The following NEMP1 variants were observed in gnomAD, a reference collection of about 807,000 sequenced individuals.
NEMP1 encodes transmembrane protein 194.
A neutral mutation model predicts 53.7 loss-of-function variants in NEMP1; 29 were observed. The ratio of observed to expected loss-of-function variants is 0.54; its 90% confidence interval spans 0.40 to 0.74. The LOEUF is 0.74. Ranked by LOEUF, NEMP1 falls within the 30% of genes least tolerant of loss-of-function variation. NEMP1 has a pLI of 0.00. For missense variants in NEMP1, 477 were observed against 528.6 expected (o/e 0.90, Z 0.96); for synonymous variants, 193 against 192.9 (o/e 1.00, Z 0.00).
rs2031626554 is a variant in NEMP1, at chr12:57,058,281, G to A, written c.*1598C>T. 1 of 152,200 alleles carries A rather than the reference G, an allele frequency of 6.6e-6. No individual in the cohort carries two copies. Among genetic ancestry groups the A allele is most frequent in the Non-Finnish European group, 1.5e-5 (1 of 68,042 alleles). 9.4% of individuals were successfully genotyped at this position (152,200 alleles called of 1,614,324 possible). ...CTTTGGAAGTCTGCAATGGAGCTAGGCCTTTCAAAATTACCACGCTAAATG... is the reference window on the plus strand; with the variant it reads ...CTTTGGAAGTCTGCAATGGAGCTAGACCTTTCAAAATTACCACGCTAAATG... On this transcript the variant is annotated 3_prime_UTR_variant, in exon 9 of 9. Coordinates refer to ENST00000300128, the MANE Select transcript of NEMP1 (RefSeq NM_001130963.2).
At chr12:57,069,671 TCAG>T (rs1475633239) in intron 3 of NEMP1, among the ~76,000 whole-genome samples, 1 of 151,964 alleles carries the variant, frequency 6.6e-6, no homozygotes, top group Non-Finnish European at 1.5e-5. Context: ...GTCATGGAAC[TCAG>T]CAGATTTGCC....
At chr12:57,081,751 A>C (rs189702466), upstream of NEMP1, among the ~76,000 whole-genome samples, 1,434 of 134,552 alleles carry the variant, frequency 0.011, 79 homozygotes, top group Admixed American at 0.094. Flanking sequence ...ACTAAAAATA[A>C]AAAAAATTAG....
chr12:57,077,276 G>A (rs2032674973), intron 1 of NEMP1, among the ~76,000 whole-genome samples: 1 of 149,340 alleles, frequency 6.7e-6, no homozygotes, highest in Non-Finnish European at 1.5e-5. Context: ...AGCTTGCAGT[G>A]AGCCGAGATC....
At chr12:57,087,566 C>T (rs1179422536) in intron 1 of NEMP1, among the ~76,000 whole-genome samples, 1 of 152,156 alleles carries the variant, frequency 6.6e-6, no homozygotes, top group Non-Finnish European at 1.5e-5. Context: ...TGCTCGTTCC[C>T]ACCACCCCCA....
intron 4 of NEMP1, among the ~76,000 whole-genome samples, chr12:57,066,274 C>CA (rs2032072551): frequency 1.3e-5 from 2 of 152,054 alleles, no homozygotes; most frequent in South Asian, 4.1e-4. Context: ...AACAAACAAA[C>CA]AAAAAAAGAG....
At chr12:57,080,045 G>A (rs923493535), upstream of NEMP1, among the ~76,000 whole-genome samples, 5 of 152,086 alleles carry the variant, frequency 3.3e-5, no homozygotes, top group South Asian at 2.1e-4. Context: ...CTGCAGCCTC[G>A]AACTCCCAGG....
In NEMP1 at chr12:57,058,938, G is replaced by A. The variant is rs887929895; in HGVS notation, c.*941C>T. The A allele has an allele frequency of 6.6e-6, 1 of 152,152 alleles. No homozygotes were observed. The highest frequency in any genetic ancestry group is 2.4e-5 in the African/African-American group (1 of 41,426). The allele number at this position is 152,152 out of a possible 1,614,324, so 9.4% of individuals were successfully genotyped here. Reference sequence around the variant, plus strand: ...CAGGAAAATGGAGAACGTATAAAAAGCATCCAAATCCCCTAAACAAGATGA... The same window carrying A: ...CAGGAAAATGGAGAACGTATAAAAAACATCCAAATCCCCTAAACAAGATGA... On this transcript the variant is annotated 3_prime_UTR_variant, in exon 9 of 9. Transcript: ENST00000300128.
rs891263392 is a variant in NEMP1 at position 57,057,074 on chromosome 12, T to C, written c.*2805A>G. ...GTTCTGTTGGTCTCTTGAAGCAATC[T>C]GAGTGGGAAAGGAAAGTGAAAGAAA... On this transcript the variant is annotated 3_prime_UTR_variant, in exon 9 of 9. Transcript: ENST00000300128. 6.6e-6 allele frequency: 1 copy of C among 152,248 alleles called. No individual in the cohort carries two copies. Among genetic ancestry groups the C allele is most frequent in the Non-Finnish European group, 1.5e-5 (1 of 68,052 alleles). 9.4% of individuals were successfully genotyped at this position (152,248 alleles called of 1,614,324 possible). A position where few individuals can be genotyped will look rare whatever the true frequency, so the allele number is the denominator to read the frequency against.
At chr12:57,080,014 C>G (rs546699356), upstream of NEMP1, among the ~76,000 whole-genome samples, 2 of 152,322 alleles carry the variant, frequency 1.3e-5, no homozygotes, top group East Asian at 1.9e-4. Context: ...TTCTGGAATG[C>G]AGTGGTGTAA....
chr12:57,087,220 A>C (rs1271268599), intron 1 of NEMP1, among the ~76,000 whole-genome samples: 1 of 151,940 alleles, frequency 6.6e-6, no homozygotes. Flanking sequence ...GTTGCCGCTC[A>C]CTTGCTCACG....
Position 57,070,690 on chromosome 12 carries a change from A to G in NEMP1, c.456T>C (p.Ser152=), listed in dbSNP as rs1481182645. 1.8e-5 allele frequency: 28 copies of G among 1,553,448 alleles called. No individual in the cohort carries two copies. The Admixed American group carries it at 2.0e-4, about 11-fold the overall frequency. The stretch of plus-strand genomic sequence containing the variant: ...GAGACTTACTCCGGATCACAATGAC[A>G]CTGTACTTGGTGTCCTTCTCTATAA... The part of the protein sequence containing the change: ...VEIIEKDTKY[S]VIVIRRFDPK... The change falls in exon 3 of 9, where the codon AGT becomes AGC. Residue 152 remains serine (S), a synonymous_variant. Transcript: ENST00000300128.
Position 57,063,331 on chromosome 12 carries a change from T to C in NEMP1, c.768A>G (p.Thr256=), listed in dbSNP as rs750811822. The change falls in exon 7 of 9, where the codon ACA becomes ACG. Residue 256 remains threonine, a synonymous_variant. Coordinates refer to ENST00000300128, the MANE Select transcript of NEMP1 (RefSeq NM_001130963.2). ...YWQYLLSYVL[T]VGFMSFAVCY... ...ATACTGCAAAACTCATGAATCCAAC[T>C]GTGAGGACATAACCTATGAGAAGAG... 8.1e-6 allele frequency: 13 copies of C among 1,613,956 alleles called. No individual in the cohort carries two copies. In the African/African-American group the frequency reaches 1.6e-4, roughly 20 times the overall value.
chr12:57,072,324 C>T (rs1469985993), intron 2 of NEMP1, among the ~76,000 whole-genome samples: 1 of 152,140 alleles, frequency 6.6e-6, no homozygotes, highest in Non-Finnish European at 1.5e-5. Context: ...CCTGTAATCC[C>T]AGCTACTTGG....
At chr12:57,077,580 AACTATCTCTGGT>A in intron 1 of NEMP1, among the ~76,000 whole-genome samples, 1 of 152,300 alleles carries the variant, frequency 6.6e-6, no homozygotes, top group Admixed American at 6.5e-5. Flanking sequence ...CAAACGAGAA[AACTATCTCTGGT>A]AACGACTGGC....
intron 7 of NEMP1, among the ~76,000 whole-genome samples, chr12:57,062,555 T>A (rs2031865873): frequency 6.6e-6 from 1 of 151,840 alleles, no homozygotes; most frequent in Admixed American, 6.6e-5. Context: ...CGGGGCGCAG[T>A]GGCTCATGTC....
In NEMP1 at chr12:57,072,888, A is replaced by C. The variant is rs997751359; in HGVS notation, c.152T>G (p.Met51Arg). 1 of 1,613,266 alleles carries C rather than the reference A, an allele frequency of 6.2e-7. No individual in the cohort carries two copies. The highest frequency in any genetic ancestry group is 1.7e-5 in the Admixed American group (1 of 59,850). ...GTAETDVNVV[M>R]LQESQVCEKR... ...TTCACAAACTTGGGATTCCTGAAGCATGACCACATTTACATCAGTTTCAGC... is the reference window on the plus strand; with the variant it reads ...TTCACAAACTTGGGATTCCTGAAGCCTGACCACATTTACATCAGTTTCAGC... Residue 51 changes from methionine to arginine, a missense_variant, in exon 2 of 9, where the codon ATG (methionine) becomes AGG (arginine). Coordinates refer to ENST00000300128, the MANE Select transcript of NEMP1 (RefSeq NM_001130963.2).
intron 1 of NEMP1, among the ~76,000 whole-genome samples, chr12:57,074,634 G>C (rs928635443): frequency 6.6e-6 from 1 of 152,118 alleles, no homozygotes; most frequent in South Asian, 2.1e-4. Context: ...AGTACTTTTG[G>C]AGGATACTAA....
intron 2 of NEMP1, among the ~76,000 whole-genome samples, chr12:57,071,227 T>C (rs921030161): frequency 6.6e-6 from 1 of 152,204 alleles, no homozygotes; most frequent in African/African-American, 2.4e-5. Flanking sequence ...CAAAGGTCTA[T>C]AATATTAAGA....
intron 1 of NEMP1, among the ~76,000 whole-genome samples, chr12:57,086,696 A>T (rs531008250): frequency 2.6e-5 from 4 of 152,270 alleles, no homozygotes; most frequent in Non-Finnish European, 5.9e-5. Flanking sequence ...GGAAGAACAG[A>T]CATCTCGGCA....
Sources: gnomAD v4.1 joint callset for allele counts (sites outside exome capture counted in the v4.1 genomes callset) on GRCh38, gnomAD v4.1.1 for gene constraint, MANE v1.5 for transcripts, NCBI Gene and HGNC (gene_info 2026-07-23, HGNC 2026-07-21) for gene names.